PLA2G4A: variants seen among roughly 807,000 people sequenced by gnomAD.
The protein encoded by PLA2G4A is cytosolic phospholipase A2.
Under a neutral mutation model 81.9 loss-of-function variants are expected in PLA2G4A, and 40 were observed. The ratio of observed to expected loss-of-function variants is 0.49; its 90% CI spans 0.38 to 0.64. The LOEUF is 0.64. Ranked by LOEUF, PLA2G4A falls within the 30% of genes least tolerant of loss-of-function variation. The pLI is 0.00. For synonymous variants in PLA2G4A, 302 were observed against 296.9 expected, an observed-to-expected ratio of 1.02 and a Z score of -0.18; for missense variants, 715 against 905.1, an observed-to-expected ratio of 0.79 and a Z score of 2.69.
At chr1:186,875,714 TAA>T (rs1653469210) in intron 3 of PLA2G4A, among the ~76,000 whole-genome samples, 1 of 152,086 alleles carries the variant, frequency 6.6e-6, no homozygotes, top group Non-Finnish European at 1.5e-5. Context: ...GTGATCCATC[TAA>T]GAACCCAGGC....
intron 3 of PLA2G4A, among the ~76,000 whole-genome samples, chr1:186,886,966 G>T (rs1265800396): frequency 6.6e-6 from 1 of 152,098 alleles, no homozygotes; most frequent in African/African-American, 2.4e-5. Context: ...CTGGTCAATT[G>T]TCAAAATGCA....
chr1:186,832,059 A>C (rs1651611594), intron 1 of PLA2G4A, among the ~76,000 whole-genome samples: 1 of 152,048 alleles, frequency 6.6e-6, no homozygotes, highest in Non-Finnish European at 1.5e-5. Flanking sequence ...CATGAGCAAA[A>C]GAGTATGGTT....
At chr1:186,832,097 T>G (rs747498904) in intron 1 of PLA2G4A, among the ~76,000 whole-genome samples, 27 of 152,246 alleles carry the variant, frequency 1.8e-4, no homozygotes, top group Admixed American at 3.9e-4. Flanking sequence ...TTCATCTGTA[T>G]ATAGGCTGTA....
intron 1 of PLA2G4A, among the ~76,000 whole-genome samples, chr1:186,852,027 T>C: frequency 6.6e-6 from 1 of 152,074 alleles, no homozygotes; most frequent in African/African-American, 2.4e-5. Flanking sequence ...TTGAGCAAAA[T>C]GCTTTAGTGT....
At position 186,965,516 on chromosome 1, in the gene PLA2G4A, A is replaced by G; in HGVS notation, c.1687A>G (p.Arg563Gly). Reference sequence around the variant, plus strand: ...TAACCTGCCGTATCCCTTGATACTGAGACCTCAGAGAGGGGTTGATCTCAT... The same window carrying G: ...TAACCTGCCGTATCCCTTGATACTGGGACCTCAGAGAGGGGTTGATCTCAT... ...TFNLPYPLIL[R>G]PQRGVDLIIS... Residue 563 changes from arginine to glycine, a missense_variant, in exon 15 of 18, where the codon AGA becomes GGA. By Grantham distance (125) the Arg-to-Gly change is moderately radical (BLOSUM62 -2). Transcript: ENST00000367466. 1 of 1,612,436 alleles carries G rather than the reference A, an allele frequency of 6.2e-7. No individual in the cohort carries two copies.
chr1:186,874,624 T>C (rs766212207), intron 3 of PLA2G4A, among the ~76,000 whole-genome samples: 2 of 152,102 alleles, frequency 1.3e-5, no homozygotes, highest in Non-Finnish European at 2.9e-5. Context: ...CTTTACAGAA[T>C]TAGCATCATA....
intron 17 of PLA2G4A, among the ~76,000 whole-genome samples, chr1:186,985,957 GT>G (rs1460087506): frequency 1.3e-5 from 2 of 152,170 alleles, no homozygotes; most frequent in East Asian, 3.8e-4. Context: ...ATGCCAAAAG[GT>G]TTGAATTTAG....
intron 2 of PLA2G4A, among the ~76,000 whole-genome samples, chr1:186,859,788 T>C (rs1235246858): frequency 6.6e-6 from 1 of 152,170 alleles, no homozygotes; most frequent in Non-Finnish European, 1.5e-5. Flanking sequence ...ACCAGTTACA[T>C]GATCATGGAC....
At chr1:186,925,300 T>C (rs2102187874) in intron 7 of PLA2G4A, among the ~76,000 whole-genome samples, 1 of 152,336 alleles carries the variant, frequency 6.6e-6, no homozygotes, top group African/African-American at 2.4e-5. Flanking sequence ...TGTTTGTGTA[T>C]TGAGAGGACT....
intron 7 of PLA2G4A, among the ~76,000 whole-genome samples, chr1:186,915,436 T>C (rs1236317205): frequency 2.0e-5 from 3 of 152,198 alleles, no homozygotes; most frequent in African/African-American, 4.8e-5. Flanking sequence ...ACGAGCCAAC[T>C]TGTGCCCAAG....
chr1:186,856,222 C>T (rs931946290), intron 2 of PLA2G4A, among the ~76,000 whole-genome samples: 1 of 151,876 alleles, frequency 6.6e-6, no homozygotes, highest in Non-Finnish European at 1.5e-5. Context: ...TCATCCACAA[C>T]TAAACGTTAC....
intron 14 of PLA2G4A, among the ~76,000 whole-genome samples, chr1:186,959,669 G>C (rs1170313209): frequency 1.3e-5 from 2 of 152,104 alleles, no homozygotes; most frequent in African/African-American, 4.8e-5. Context: ...TTCAGAAAGA[G>C]TCCTTACAAA....
At chr1:186,978,403 G>GA (rs1486228360) in intron 16 of PLA2G4A, among the ~76,000 whole-genome samples, 2 of 152,116 alleles carry the variant, frequency 1.3e-5, no homozygotes, top group East Asian at 3.9e-4. Flanking sequence ...TTTAGGACCA[G>GA]AAAATGTGTT....
chr1:186,882,634 G>A (rs1310818401), intron 3 of PLA2G4A, among the ~76,000 whole-genome samples: 1 of 152,062 alleles, frequency 6.6e-6, no homozygotes, highest in East Asian at 1.9e-4. Flanking sequence ...GAGCCTTTAA[G>A]TCTTTCTCAC....
At chr1:186,837,736 C>CAAAAAAAA (rs750655561) in intron 1 of PLA2G4A, among the ~76,000 whole-genome samples, 2,737 of 54,576 alleles carry the variant, frequency 0.05, 206 homozygotes, top group East Asian at 0.068. Context: ...GACTCCGTCT[C>CAAAAAAAA]AAAAAAAAAA....
In PLA2G4A at chr1:186,935,235, A is replaced by G. The variant is rs1029847829; in HGVS notation, c.695+2336A>G. On this transcript the variant is annotated intron_variant, in intron 8 of 17. Coordinates refer to ENST00000367466, the MANE Select transcript of PLA2G4A (RefSeq NM_024420.3). The stretch of plus-strand genomic sequence containing the variant: ...CCACTAGTAAAAGTAATTAAAAGAT[A>G]CTTTTAAACATGAGATTGTAAAAAA... 2.0e-5 allele frequency among the ~76,000 whole-genome samples: 3 copies of G among 152,030 alleles called. No individual in the cohort carries two copies. The East Asian group carries it at 5.8e-4, about 29-fold the overall frequency.
chr1:186,957,308 G>A lies in PLA2G4A; in HGVS notation c.1579+964G>A, dbSNP rs1656787540. On this transcript the variant is annotated intron_variant, in intron 14 of 17. Coordinates refer to ENST00000367466, the MANE Select transcript of PLA2G4A (RefSeq NM_024420.3). ...TTATAAAATCGTTCCAAACTTTCAG[G>A]AATTTAAATAAGGGAATTAGGTGCT... is the stretch of plus-strand genomic sequence containing the variant. Among the ~76,000 whole-genome samples, 3 of 152,122 alleles carry A rather than the reference G, an allele frequency of 2.0e-5. No individual in the cohort carries two copies. In the South Asian group the frequency reaches 6.2e-4, roughly 32 times the overall value.
chr1:186,873,258 G>A (rs578127259), intron 3 of PLA2G4A, among the ~76,000 whole-genome samples: 1 of 152,214 alleles, frequency 6.6e-6, no homozygotes, highest in South Asian at 2.1e-4. Flanking sequence ...GAGGAATTTT[G>A]ATGATATTTC....
intron 17 of PLA2G4A, among the ~76,000 whole-genome samples, chr1:186,981,861 A>G (rs1400788744): frequency 6.9e-6 from 1 of 145,850 alleles, no homozygotes; most frequent in Non-Finnish European, 1.5e-5. Context: ...AAGTTAGAAG[A>G]CTTACTTTAC....
Sources: gnomAD v4.1 joint callset for allele counts (sites outside exome capture counted in the v4.1 genomes callset) on GRCh38, gnomAD v4.1.1 for gene constraint, MANE v1.5 for transcripts, NCBI Gene and HGNC (gene_info 2026-07-23, HGNC 2026-07-21) for gene names.